The following PLA2G4A variants were observed in gnomAD, a reference collection of about 807,000 sequenced individuals.
PLA2G4A encodes the protein cytosolic phospholipase A2.
In PLA2G4A, 40 loss-of-function variants were observed where a neutral mutation model predicts 81.9. The ratio of observed to expected loss-of-function variants is 0.49; its 90% CI spans 0.38 to 0.64. The LOEUF is 0.64. Ranked by LOEUF, PLA2G4A falls within the 30% of genes least tolerant of loss-of-function variation. PLA2G4A has a pLI of 0.00. For missense variants in PLA2G4A, 715 were observed against 905.1 expected (o/e 0.79, Z 2.69); for synonymous variants, 302 against 296.9 (o/e 1.02, Z -0.18).
intron 15 of PLA2G4A, among the ~76,000 whole-genome samples, chr1:186,965,796 G>T (rs1177839531): frequency 6.6e-6 from 1 of 152,098 alleles, no homozygotes; most frequent in East Asian, 1.9e-4. Context: ...GCTCAATAAA[G>T]GTCAGAGCCC....
chr1:186,946,946 A>G lies in PLA2G4A; in HGVS notation c.1249A>G (p.Met417Val), dbSNP rs1302045375. The G allele has an allele frequency of 3.1e-6, 5 of 1,596,416 alleles. No individual in the cohort carries two copies. In the East Asian group the frequency reaches 8.9e-5, roughly 29 times the overall value. ...TGGTTCACAAAGCAGAGGCTCCACA[A>G]TGGAGGAAGAATTAGGTATCCTAAA... The part of the protein sequence containing the change: ...VSGSQSRGST[M>V]EEELENITTK... The change falls in exon 12 of 18, where the codon ATG (methionine) becomes GTG (valine). Residue 417 changes from methionine (M) to valine (V), a missense_variant. Physicochemically the swap from Met to Val is conservative, Grantham distance 21. Coordinates refer to ENST00000367466, the MANE Select transcript of PLA2G4A (RefSeq NM_024420.3).
intron 6 of PLA2G4A, among the ~76,000 whole-genome samples, chr1:186,909,006 C>T (rs1285433630): frequency 2.3e-5 from 3 of 130,034 alleles, no homozygotes; most frequent in African/African-American, 8.4e-5. Context: ...CGGAGTCTTG[C>T]CCTGTCACCC....
chr1:186,932,972 A>C (rs1655809684), intron 8 of PLA2G4A, 73 bp downstream of exon 8: 1 of 1,066,266 alleles, frequency 9.4e-7, no homozygotes, highest in African/African-American at 1.6e-5. Context: ...GCACTAGAAG[A>C]GAAAAGGGGA....
At chr1:186,966,169 G>A (rs1657123478) in intron 15 of PLA2G4A, among the ~76,000 whole-genome samples, 1 of 151,572 alleles carries the variant, frequency 6.6e-6, no homozygotes, top group South Asian at 2.1e-4. Flanking sequence ...GTTCAGGGAA[G>A]GAGATGGACT....
At chr1:186,962,510 ATTT>A (rs1194738383) in intron 14 of PLA2G4A, among the ~76,000 whole-genome samples, 1 of 148,798 alleles carries the variant, frequency 6.7e-6, no homozygotes, top group African/African-American at 2.5e-5. Flanking sequence ...TTATTTATTT[ATTT>A]ATTTATTTAT....
intron 1 of PLA2G4A, among the ~76,000 whole-genome samples, chr1:186,830,978 CTT>C (rs1189733826): frequency 8.9e-4 from 119 of 133,728 alleles, no homozygotes; most frequent in African/African-American, 3.2e-3. Context: ...TTCTTTCTTT[CTT>C]TCTTTCTTTC....
At chr1:186,860,844 T>G (rs1212652392) in intron 2 of PLA2G4A, among the ~76,000 whole-genome samples, 2 of 152,196 alleles carry the variant, frequency 1.3e-5, no homozygotes, top group Non-Finnish European at 2.9e-5. Flanking sequence ...CAAATTTCTT[T>G]TTGGTTCTTT....
intron 2 of PLA2G4A, among the ~76,000 whole-genome samples, chr1:186,858,443 T>G (rs550591742): frequency 6.6e-6 from 1 of 152,170 alleles, no homozygotes; most frequent in Non-Finnish European, 1.5e-5. Flanking sequence ...TGCCCACTTT[T>G]TGATAGGGTT....
chr1:186,969,647 G>A (rs1205818475), intron 15 of PLA2G4A, among the ~76,000 whole-genome samples: 2 of 151,780 alleles, frequency 1.3e-5, no homozygotes, highest in Non-Finnish European at 2.9e-5. Flanking sequence ...GTAAGAGCAT[G>A]TAATATTTGT....
chr1:186,924,432 G>T (rs1655472798), intron 7 of PLA2G4A, among the ~76,000 whole-genome samples: 1 of 152,120 alleles, frequency 6.6e-6, no homozygotes, highest in Non-Finnish European at 1.5e-5. Context: ...TTGAAACATT[G>T]TCTACTCTTC....
intron 14 of PLA2G4A, among the ~76,000 whole-genome samples, chr1:186,964,312 T>C (rs1477015036): frequency 6.6e-6 from 1 of 151,842 alleles, no homozygotes; most frequent in African/African-American, 2.4e-5. Context: ...TCCTGGCAAG[T>C]GAATTAGGAG....
Position 186,980,415 on chromosome 1 carries a change from C to G in PLA2G4A, c.2118+943C>G, listed in dbSNP as rs573103688. Among the ~76,000 whole-genome samples, 6 of 152,250 alleles carry G rather than the reference C, an allele frequency of 3.9e-5. No individual in the cohort carries two copies. The South Asian group carries it at 1.2e-3, about 32-fold the overall frequency. Reference sequence around the variant, plus strand: ...AGGAACACTATTCTGTAACTGAAATCATTGACTTGTGGTTCCAAATCATAG... The same window carrying G: ...AGGAACACTATTCTGTAACTGAAATGATTGACTTGTGGTTCCAAATCATAG... On this transcript the variant is annotated intron_variant, in intron 17 of 17. Transcript: ENST00000367466.
chr1:186,956,278 T>C lies in PLA2G4A; in HGVS notation c.1513T>C (p.Ser505Pro). The change falls in exon 14 of 18, where the codon TCT becomes CCT. Residue 505 changes from serine to proline, a missense_variant. Transcript: ENST00000367466. The part of the protein sequence containing the change: ...GLNLNTSYPL[S>P]PLSDFATQDS... ...GAATCTCAATACATCTTATCCACTG[T>C]CTCCTTTGAGTGACTTTGCCACACA... is the stretch of plus-strand genomic sequence containing the variant. The C allele has an allele frequency of 6.2e-7, 1 of 1,613,714 alleles. No homozygotes were observed. Among genetic ancestry groups the C allele is most frequent in the East Asian group, 2.2e-5 (1 of 44,854 alleles).
At chr1:186,880,713 AAT>A (rs1358586427) in intron 3 of PLA2G4A, among the ~76,000 whole-genome samples, 3 of 152,082 alleles carry the variant, frequency 2.0e-5, no homozygotes, top group African/African-American at 2.4e-5. Context: ...TGAATAAATT[AAT>A]ATGTTTTATC....
chr1:186,868,647 C>G (rs1021936416), intron 2 of PLA2G4A, among the ~76,000 whole-genome samples: 1 of 152,120 alleles, frequency 6.6e-6, no homozygotes, highest in Non-Finnish European at 1.5e-5. Context: ...ACAGTGAAAC[C>G]ATGTGAACAT....
chr1:186,854,604 A>C (rs1462409378), intron 2 of PLA2G4A, among the ~76,000 whole-genome samples: 1 of 151,962 alleles, frequency 6.6e-6, no homozygotes, highest in Non-Finnish European at 1.5e-5. Context: ...GAGGAACTTG[A>C]AAGGAAAAAA....
chr1:186,905,698 TCACA>T (rs71104895), intron 5 of PLA2G4A, among the ~76,000 whole-genome samples: 7 of 148,904 alleles, frequency 4.7e-5, no homozygotes, highest in African/African-American at 1.2e-4. Flanking sequence ...CTCCTCCTCC[TCACA>T]CACACACACA....
intron 16 of PLA2G4A, among the ~76,000 whole-genome samples, chr1:186,978,499 C>T (rs1216729813): frequency 6.6e-6 from 1 of 151,778 alleles, no homozygotes; most frequent in Non-Finnish European, 1.5e-5. Flanking sequence ...TTCTAGATTT[C>T]TCAGGAAGAC....
chr1:186,856,772 A>G (rs926427648), intron 2 of PLA2G4A, among the ~76,000 whole-genome samples: 1 of 151,976 alleles, frequency 6.6e-6, no homozygotes, highest in African/African-American at 2.4e-5. Flanking sequence ...CCTTCTGGAA[A>G]GGATTTCTAG....
Sources: gnomAD v4.1 joint callset for allele counts (sites outside exome capture counted in the v4.1 genomes callset) on GRCh38, gnomAD v4.1.1 for gene constraint, MANE v1.5 for transcripts, NCBI Gene and HGNC (gene_info 2026-07-23, HGNC 2026-07-21) for gene names.